Variants in SYNJ1 observed in about 807,000 individuals in gnomAD.
The protein encoded by SYNJ1 is polyphosphatidylinositol phosphatase SYNJ1.
Under a neutral mutation model 168.2 loss-of-function variants are expected in SYNJ1, and 78 were observed. That is an observed-to-expected ratio of 0.46 (90% CI 0.39 to 0.56). The LOEUF is 0.56. Ranked by LOEUF, SYNJ1 falls within the 20% of genes least tolerant of loss-of-function variation. The pLI, the probability that SYNJ1 is intolerant of heterozygous loss-of-function variation, is 0.00. For missense variants in SYNJ1, 1,303 were observed against 1,597.6 expected (o/e 0.82, Z 3.14); for synonymous variants, 539 against 548.6 (o/e 0.98, Z 0.24).
At chr21:32,703,098 G>A (rs2042470689) in intron 2 of SYNJ1, among the ~76,000 whole-genome samples, 2 of 152,216 alleles carry the variant, frequency 1.3e-5, no homozygotes, top group East Asian at 1.9e-4. Flanking sequence ...TTCAGACCAC[G>A]TAGGCTTAAG....
chr21:32,678,708 T>A lies in SYNJ1; in HGVS notation c.1447A>T (p.Asn483Tyr), dbSNP rs2041509359. The change falls in exon 12 of 33, where the codon AAT becomes TAT. Residue 483 changes from asparagine to tyrosine, a missense_variant. Transcript: ENST00000674351. The stretch of plus-strand genomic sequence containing the variant: ...TCAGCTAAATCACTATTCAGAGTAT[T>A]TCCCAGTAGCAAAACATCAATGGCC... ...QEAIDVLLLG[N>Y]TLNSDLADKA... 1.2e-6 allele frequency: 2 copies of A among 1,613,356 alleles called. No homozygotes were observed. The highest frequency in any genetic ancestry group is 1.3e-5 in the African/African-American group (1 of 74,880).
At chr21:32,700,449 A>G (rs2042358699) in intron 3 of SYNJ1, among the ~76,000 whole-genome samples, 1 of 152,024 alleles carries the variant, frequency 6.6e-6, no homozygotes, top group Non-Finnish European at 1.5e-5. Flanking sequence ...GAGGCCGGGA[A>G]TTAAAGACCA....
Position 32,665,078 on chromosome 21 carries a change from G to T in SYNJ1, c.2146-7C>A. ...GGGAAAATAGCATCCTTCCCTGAAA[G>T]CAATGAGATAGAATTTTAAATTCAA... is the stretch of plus-strand genomic sequence containing the variant. On this transcript the variant is annotated splice_region_variant and splice_polypyrimidine_tract_variant and intron_variant, in intron 17 of 32. Transcript: ENST00000674351. 1.3e-6 allele frequency: 2 copies of T among 1,575,476 alleles called. No individual in the cohort carries two copies.
At chr21:32,656,259 C>A (rs1048958398) in intron 21 of SYNJ1, among the ~76,000 whole-genome samples, 1 of 152,130 alleles carries the variant, frequency 6.6e-6, no homozygotes, top group African/African-American at 2.4e-5. Context: ...TGGTGAAACC[C>A]TGCCTCTACA....
chr21:32,686,769 T>C (rs1055089728), intron 8 of SYNJ1, among the ~76,000 whole-genome samples: 10 of 152,354 alleles, frequency 6.6e-5, no homozygotes, highest in Admixed American at 2.6e-4. Flanking sequence ...GTCATTTGCA[T>C]TGAAAGCTTT....
intron 8 of SYNJ1, 149 bp downstream of exon 8, chr21:32,686,829 C>T: frequency 1.9e-6 from 1 of 531,062 alleles, no homozygotes; most frequent in South Asian, 3.1e-5. Context: ...CTTAATAGAC[C>T]CAAAGAGTTC....
chr21:32,670,266 T>G, intron 15 of SYNJ1, 22 bp downstream of exon 15: 1 of 1,605,436 alleles, frequency 6.2e-7, no homozygotes, highest in Non-Finnish European at 8.5e-7. Flanking sequence ...AATTTTTCAG[T>G]GGATTAATGT....
At chr21:32,658,365 G>C (rs1490335413) in intron 18 of SYNJ1, 1 of 152,400 alleles carries the variant, frequency 6.6e-6, no homozygotes, top group Non-Finnish European at 1.5e-5. Context: ...TCTGGCCATG[G>C]GATGGCTGGA....
chr21:32,692,877 C>G (rs1477450334), intron 6 of SYNJ1, among the ~76,000 whole-genome samples: 1 of 151,888 alleles, frequency 6.6e-6, no homozygotes, highest in Non-Finnish European at 1.5e-5. Flanking sequence ...AGGTGGGACC[C>G]TGTCTCTACA....
chr21:32,687,129 C>A, intron 7 of SYNJ1, 55 bp from the exon 8 acceptor site: 1 of 855,960 alleles, frequency 1.2e-6, no homozygotes, highest in South Asian at 2.0e-5. Context: ...CCAATTTTTT[C>A]AATAAACAAT....
At chr21:32,696,131 C>G (rs1003904353) in intron 4 of SYNJ1, among the ~76,000 whole-genome samples, 25 of 152,128 alleles carry the variant, frequency 1.6e-4, no homozygotes, top group Non-Finnish European at 7.3e-5. Context: ...GGATTACAGG[C>G]GTGAGCCACC....
At chr21:32,640,584 C>T (rs1461247972) in intron 29 of SYNJ1, among the ~76,000 whole-genome samples, 3 of 152,096 alleles carry the variant, frequency 2.0e-5, no homozygotes, top group South Asian at 2.1e-4. Context: ...CGTGAGCCAC[C>T]GTACCTGGTC....
At chr21:32,661,333 T>C (rs1484870238) in intron 18 of SYNJ1, among the ~76,000 whole-genome samples, 4 of 152,184 alleles carry the variant, frequency 2.6e-5, no homozygotes, top group Non-Finnish European at 5.9e-5. Context: ...CATACAAGCT[T>C]ATGGAGCGGC....
chr21:32,675,010 T>C (rs925860826), intron 13 of SYNJ1, among the ~76,000 whole-genome samples: 2 of 152,204 alleles, frequency 1.3e-5, no homozygotes, highest in African/African-American at 4.8e-5. Flanking sequence ...ATTGCTTGTA[T>C]AGAGGTGTCT....
chr21:32,645,510 A>G (rs1247237793), intron 25 of SYNJ1, 136 bp downstream of exon 25: 1 of 1,244,678 alleles, frequency 8.0e-7, no homozygotes, highest in Non-Finnish European at 1.1e-6. Flanking sequence ...TGTTCTTTAG[A>G]GAAAAGCTAA....
In SYNJ1 at chr21:32,646,555, G is replaced by C. The variant is rs1220150551; in HGVS notation, c.3085C>G (p.His1029Asp). ...CCGGAACTTGAAGATGGCTGGAGAT[G>C]CTGAGGAAGAAGTTCCTCCACTTCA... is the stretch of plus-strand genomic sequence containing the variant. Reference protein sequence around the residue: ...SAEVEELLPQHLQPSSSSGLG... With the variant: ...SAEVEELLPQDLQPSSSSGLG... The change falls in exon 24 of 33, where the codon CAT (histidine) becomes GAT (aspartate). Residue 1029 changes from histidine (H) to aspartate (D), a missense_variant. Physicochemically the swap from His to Asp is moderately conservative, Grantham distance 81 (BLOSUM62 -1). Around this residue, in one of 2 missense-constraint regions of SYNJ1, gnomAD observed 383 missense variants for 388.8 expected, o/e 0.99. Transcript: ENST00000674351. 6.2e-7 allele frequency: 1 copy of C among 1,614,154 alleles called. No individual in the cohort carries two copies.
At chr21:32,681,739 T>C (rs1601404217) in intron 10 of SYNJ1, 91 bp from the exon 11 acceptor site, 1 of 1,238,438 alleles carries the variant, frequency 8.1e-7, no homozygotes, top group East Asian at 2.6e-5. Flanking sequence ...ACCAAAAATT[T>C]ATCATTATAG....
At chr21:32,696,379 T>C (rs2042214482) in intron 4 of SYNJ1, among the ~76,000 whole-genome samples, 4 of 152,186 alleles carry the variant, frequency 2.6e-5, no homozygotes, top group African/African-American at 9.6e-5. Flanking sequence ...CCAATGATTA[T>C]GATACAGATA....
intron 2 of SYNJ1, among the ~76,000 whole-genome samples, chr21:32,707,272 ATTTC>A (rs2042643127): frequency 7.5e-6 from 1 of 133,320 alleles, no homozygotes; most frequent in African/African-American, 2.8e-5. Flanking sequence ...ACTAAGTCTT[ATTTC>A]TTTTTCCTTT....
Sources: allele counts gnomAD v4.1 joint callset (sites outside exome capture counted in the v4.1 genomes callset), GRCh38; gene constraint gnomAD v4.1.1; regional missense constraint gnomAD v4.1.1; transcripts MANE v1.5; gene names NCBI Gene and HGNC (gene_info 2026-07-23, HGNC 2026-07-21).